The following PAK5 variants were observed in gnomAD, a reference collection of about 807,000 sequenced individuals.
PAK5 encodes p21 (RAC1) activated kinase 5, also known as serine/threonine-protein kinase PAK 5.
A neutral mutation model predicts 65.9 loss-of-function variants in PAK5; 16 were observed. The observed-to-expected ratio is 0.24, with a 90% confidence interval of 0.16 to 0.37. PAK5 has a LOEUF of 0.37. Ranked by LOEUF, PAK5 falls within the 10% of genes least tolerant of loss-of-function variation. The pLI is 1.00. For missense variants in PAK5, 785 were observed against 903.9 expected (o/e 0.87, Z 1.69); for synonymous variants, 371 against 354.9 (o/e 1.05, Z -0.51).
intron 7 of PAK5, among the ~76,000 whole-genome samples, chr20:9,555,493 T>G (rs59754807): frequency 0.013 from 1,911 of 152,346 alleles, 36 homozygotes; most frequent in African/African-American, 0.042. Context: ...AGAAAGTCTT[T>G]CTTGAAATTG....
chr20:9,759,173 T>C (rs953947457), intron 1 of PAK5, among the ~76,000 whole-genome samples: 25 of 152,148 alleles, frequency 1.6e-4, no homozygotes, highest in African/African-American at 5.8e-4. Context: ...AAAGTATTAA[T>C]TGAAAGGGTA....
chr20:9,660,103 C>A (rs188755612), intron 2 of PAK5, among the ~76,000 whole-genome samples: 10 of 152,172 alleles, frequency 6.6e-5, no homozygotes, highest in African/African-American at 2.4e-4. Context: ...ATTGTAAAAT[C>A]TTTTCAGATT....
chr20:9,805,778 T>C (rs1184168671), intron 1 of PAK5, among the ~76,000 whole-genome samples: 1 of 152,124 alleles, frequency 6.6e-6, no homozygotes, highest in Non-Finnish European at 1.5e-5. Context: ...GAATTTCTTT[T>C]GGGGATTATA....
intron 3 of PAK5, among the ~76,000 whole-genome samples, chr20:9,630,471 T>C (rs2046907042): frequency 6.6e-6 from 1 of 152,198 alleles, no homozygotes; most frequent in Admixed American, 6.5e-5. Context: ...ATCTTTAAAA[T>C]ATCTGTGGAT....
At chr20:9,549,365 C>T (rs958602907) in intron 7 of PAK5, among the ~76,000 whole-genome samples, 5 of 151,950 alleles carry the variant, frequency 3.3e-5, no homozygotes, top group African/African-American at 4.8e-5. Context: ...ACCAGATTAA[C>T]GTAGGCCAAT....
intron 9 of PAK5, among the ~76,000 whole-genome samples, chr20:9,542,245 C>T (rs940500091): frequency 2.6e-5 from 4 of 152,288 alleles, no homozygotes; most frequent in East Asian, 1.9e-4. Flanking sequence ...GGGTCATGCA[C>T]GGTGACATCC....
chr20:9,622,469 C>T (rs552307508), intron 3 of PAK5, among the ~76,000 whole-genome samples: 1 of 152,224 alleles, frequency 6.6e-6, no homozygotes, highest in East Asian at 1.9e-4. Flanking sequence ...ACATTGACCT[C>T]AAGATGAAGT....
At chr20:9,757,395 G>A (rs966844989) in intron 1 of PAK5, among the ~76,000 whole-genome samples, 2 of 152,058 alleles carry the variant, frequency 1.3e-5, no homozygotes, top group Non-Finnish European at 2.9e-5. Flanking sequence ...AAAATATGAT[G>A]AATATAAAAA....
At chr20:9,783,786 A>C (rs1487394996) in intron 1 of PAK5, among the ~76,000 whole-genome samples, 1 of 152,210 alleles carries the variant, frequency 6.6e-6, no homozygotes, top group Non-Finnish European at 1.5e-5. Flanking sequence ...AGTTAGAAAC[A>C]GTGGTTGTCT....
At chr20:9,768,883 A>G (rs577594130) in intron 1 of PAK5, among the ~76,000 whole-genome samples, 274 of 151,986 alleles carry the variant, frequency 1.8e-3, no homozygotes, top group African/African-American at 6.3e-3. Flanking sequence ...AGGGAGGGAA[A>G]AAAAGAATGA....
intron 2 of PAK5, among the ~76,000 whole-genome samples, chr20:9,656,077 A>C (rs2123314630): frequency 6.6e-6 from 1 of 152,258 alleles, no homozygotes; most frequent in South Asian, 2.1e-4. Context: ...TTCATCCCAT[A>C]AGAGCAAGCA....
chr20:9,633,039 A>T (rs1317618946), intron 3 of PAK5, among the ~76,000 whole-genome samples: 1 of 152,174 alleles, frequency 6.6e-6, no homozygotes, highest in Non-Finnish European at 1.5e-5. Flanking sequence ...TATGGGGCTA[A>T]GTAAGATAGT....
chr20:9,641,772 A>G (rs2047067763), intron 3 of PAK5, among the ~76,000 whole-genome samples: 1 of 152,128 alleles, frequency 6.6e-6, no homozygotes, highest in African/African-American at 2.4e-5. Flanking sequence ...AATCGAGCAC[A>G]GCGCCGGTGG....
At chr20:9,622,748 C>A (rs1407773413) in intron 3 of PAK5, among the ~76,000 whole-genome samples, 3 of 152,140 alleles carry the variant, frequency 2.0e-5, no homozygotes, top group Non-Finnish European at 4.4e-5. Flanking sequence ...GAATCTAATG[C>A]CTGATCATTT....
At chr20:9,791,924 A>C (rs542414298) in intron 1 of PAK5, among the ~76,000 whole-genome samples, 1 of 152,168 alleles carries the variant, frequency 6.6e-6, no homozygotes, top group South Asian at 2.1e-4. Flanking sequence ...TTTGAGAACT[A>C]AATCCATGTG....
At chr20:9,591,526 G>A (rs1283003777) in intron 3 of PAK5, among the ~76,000 whole-genome samples, 1 of 151,912 alleles carries the variant, frequency 6.6e-6, no homozygotes, top group African/African-American at 2.4e-5. Flanking sequence ...TAAGTTGACT[G>A]GTCTTTGAAA....
At chr20:9,657,816 A>G (rs1383315045) in intron 2 of PAK5, among the ~76,000 whole-genome samples, 1 of 152,204 alleles carries the variant, frequency 6.6e-6, no homozygotes, top group Non-Finnish European at 1.5e-5. Flanking sequence ...AAAGGCCTCA[A>G]GAGAGAAAAT....
chr20:9,786,034 C>T (rs2048989422), intron 1 of PAK5, among the ~76,000 whole-genome samples: 1 of 152,158 alleles, frequency 6.6e-6, no homozygotes, highest in African/African-American at 2.4e-5. Flanking sequence ...GTACATAAGC[C>T]TTTGTCCTGA....
intron 2 of PAK5, among the ~76,000 whole-genome samples, chr20:9,664,597 G>A (rs146809404): frequency 7.9e-5 from 12 of 152,160 alleles, no homozygotes; most frequent in East Asian, 7.7e-4. Flanking sequence ...ACATCATTTC[G>A]TTTTTATAAA....
Sources: allele counts gnomAD v4.1 joint callset (sites outside exome capture counted in the v4.1 genomes callset), GRCh38; gene constraint gnomAD v4.1.1; transcripts MANE v1.5; gene names NCBI Gene and HGNC (gene_info 2026-07-23, HGNC 2026-07-21).